Variants in CDH12 observed in about 807,000 individuals in gnomAD.
The protein encoded by CDH12 is cadherin-12.
CDH12 carries 41 observed loss-of-function variants against 74.1 expected under a neutral mutation model. The ratio of observed to expected loss-of-function variants is 0.55; its 90% confidence interval spans 0.43 to 0.72. The LOEUF (loss-of-function observed/expected upper bound fraction) is 0.72, where lower values mean the gene tolerates loss of function less well. Ranked by LOEUF, CDH12 falls within the 30% of genes least tolerant of loss-of-function variation. The pLI, the probability that CDH12 is intolerant of heterozygous loss-of-function variation, is 0.00. For synonymous variants in CDH12, 399 were observed against 355.0 expected, an observed-to-expected ratio of 1.12 and a Z score of -1.39; for missense variants, 945 against 977.2, an observed-to-expected ratio of 0.97 and a Z score of 0.44.
At chr5:22,599,646 A>G (rs1264957544) in intron 1 of CDH12, among the ~76,000 whole-genome samples, 3 of 152,112 alleles carry the variant, frequency 2.0e-5, no homozygotes, top group Non-Finnish European at 4.4e-5. Context: ...TCAAACACCA[A>G]TGGTATTATA....
intron 4 of CDH12, among the ~76,000 whole-genome samples, chr5:22,086,839 C>T (rs527882129): frequency 2.6e-5 from 4 of 152,144 alleles, no homozygotes; most frequent in African/African-American, 7.2e-5. Context: ...GAAAAGAAAT[C>T]GATCACATCT....
chr5:21,869,582 A>G (rs1751510056), intron 6 of CDH12, among the ~76,000 whole-genome samples: 1 of 151,952 alleles, frequency 6.6e-6, no homozygotes, highest in African/African-American at 2.4e-5. Context: ...TATTGATTTT[A>G]TATTAGTCTT....
intron 1 of CDH12, among the ~76,000 whole-genome samples, chr5:22,549,134 T>TG (rs1179838195): frequency 6.7e-6 from 1 of 149,216 alleles, no homozygotes; most frequent in African/African-American, 2.4e-5. Flanking sequence ...TTGTTTTTTT[T>TG]TTGTTTTTTT....
rs1554033420 is a variant in CDH12, at chr5:22,343,315, C to CACACACAG, written c.-333+61941_-333+61942insCTGTGTGT. On this transcript the variant is annotated intron_variant, in intron 3 of 14. Coordinates refer to ENST00000382254, the MANE Select transcript of CDH12 (RefSeq NM_004061.5). ...ACACACACACACACACACACACAGA[C>CACACACAG]ACACACACAGAGAGAGAGAGAGAGA... 8.8e-4 allele frequency among the ~76,000 whole-genome samples: 108 copies of CACACACAG among 123,424 alleles called. 1 individual carries two copies. Among genetic ancestry groups the CACACACAG allele is most frequent in the Admixed American group, 5.1e-3 (63 of 12,442 alleles). 81.0% of individuals were successfully genotyped at this position (123,424 alleles called of 152,430 possible).
chr5:21,802,110 GT>G (rs1747142395), intron 10 of CDH12, 56 bp downstream of exon 10: 2 of 1,512,622 alleles, frequency 1.3e-6, no homozygotes, highest in African/African-American at 2.8e-5. Context: ...TCTGGTTTTT[GT>G]TCTTGTTTTG....
At chr5:22,435,005 G>A (rs1051197620) in intron 2 of CDH12, among the ~76,000 whole-genome samples, 1 of 152,128 alleles carries the variant, frequency 6.6e-6, no homozygotes, top group Admixed American at 6.6e-5. Flanking sequence ...CTTAGTGGGG[G>A]TGATGGTTAA....
At chr5:22,158,611 A>T (rs1748160619) in intron 4 of CDH12, among the ~76,000 whole-genome samples, 1 of 152,158 alleles carries the variant, frequency 6.6e-6, no homozygotes, top group South Asian at 2.1e-4. Flanking sequence ...TTTAGAATGA[A>T]TTTCTAAACC....
intron 1 of CDH12, among the ~76,000 whole-genome samples, chr5:22,804,223 AAT>A (rs2126427187): frequency 6.6e-6 from 1 of 152,284 alleles, no homozygotes; most frequent in South Asian, 2.1e-4. Flanking sequence ...AAGGAAATAT[AAT>A]ATGATTTTCT....
intron 1 of CDH12, among the ~76,000 whole-genome samples, chr5:22,794,595 T>C (rs1304441218): frequency 6.6e-6 from 1 of 152,058 alleles, no homozygotes; most frequent in Non-Finnish European, 1.5e-5. Context: ...AATGCAATAT[T>C]CACAGAAAAG....
At chr5:22,658,775 CAG>C (rs1217604492) in intron 1 of CDH12, among the ~76,000 whole-genome samples, 1 of 152,090 alleles carries the variant, frequency 6.6e-6, no homozygotes, top group Non-Finnish European at 1.5e-5. Flanking sequence ...GTGAATAAGT[CAG>C]AGGCAGAGAT....
At chr5:22,392,356 C>T (rs1400770697) in intron 3 of CDH12, among the ~76,000 whole-genome samples, 1 of 152,146 alleles carries the variant, frequency 6.6e-6, no homozygotes, top group Non-Finnish European at 1.5e-5. Context: ...AAAGCTAACA[C>T]TTGACCCCCA....
chr5:22,497,347 C>T (rs2126649648), intron 2 of CDH12, among the ~76,000 whole-genome samples: 1 of 152,264 alleles, frequency 6.6e-6, no homozygotes, highest in East Asian at 1.9e-4. Flanking sequence ...GGCCAGATAC[C>T]ATGAATTCAC....
chr5:22,146,472 A>G (rs1365397596), intron 4 of CDH12, among the ~76,000 whole-genome samples: 1 of 152,280 alleles, frequency 6.6e-6, no homozygotes, highest in East Asian at 1.9e-4. Flanking sequence ...AATGTTTTGT[A>G]TAAGTTAAAA....
chr5:22,318,383 T>C (rs1205389990), intron 3 of CDH12, among the ~76,000 whole-genome samples: 2 of 152,224 alleles, frequency 1.3e-5, no homozygotes, highest in Non-Finnish European at 2.9e-5. Context: ...GATGATATAC[T>C]ATTCAGGAAC....
At chr5:22,388,659 T>A (rs1742104057) in intron 3 of CDH12, among the ~76,000 whole-genome samples, 1 of 152,176 alleles carries the variant, frequency 6.6e-6, no homozygotes, top group Non-Finnish European at 1.5e-5. Flanking sequence ...TAGTTTTATT[T>A]ACAAAATACA....
At chr5:22,717,115 T>C (rs364929) in intron 1 of CDH12, among the ~76,000 whole-genome samples, 41,375 of 152,008 alleles carry the variant, frequency 0.27, 5,741 homozygotes, top group South Asian at 0.31. Context: ...GCAGTGTTGA[T>C]AAAGTCTACA....
At chr5:22,409,324 C>T (rs545924707) in intron 2 of CDH12, among the ~76,000 whole-genome samples, 3 of 151,988 alleles carry the variant, frequency 2.0e-5, no homozygotes, top group African/African-American at 7.2e-5. Flanking sequence ...TGTAGCACAG[C>T]ATGTTTCTAA....
chr5:22,531,741 A>G (rs1263278651), intron 1 of CDH12, among the ~76,000 whole-genome samples: 1 of 152,200 alleles, frequency 6.6e-6, no homozygotes. Flanking sequence ...AAAAGACTCA[A>G]AAATGGAGGC....
intron 3 of CDH12, among the ~76,000 whole-genome samples, chr5:22,265,552 T>C (rs1459972570): frequency 2.0e-5 from 3 of 152,192 alleles, no homozygotes. Flanking sequence ...GCCTCATTTA[T>C]GTGGCTCTAT....
Sources: allele counts gnomAD v4.1 joint callset (sites outside exome capture counted in the v4.1 genomes callset), GRCh38; gene constraint gnomAD v4.1.1; transcripts MANE v1.5; gene names NCBI Gene and HGNC (gene_info 2026-07-23, HGNC 2026-07-21).